GLB1L3: variants seen among roughly 807,000 people sequenced by gnomAD.
The protein encoded by GLB1L3 is galactosidase beta 1 like 3.
GLB1L3 carries 89 observed loss-of-function variants against 89.5 expected under a neutral mutation model. That is an observed-to-expected ratio of 0.99 (90% CI 0.84 to 1.19). The LOEUF (loss-of-function observed/expected upper bound fraction) is 1.19, where lower values mean the gene tolerates loss of function less well. Among genes scored for constraint, GLB1L3 ranks in the 50% most tolerant of loss-of-function variants. The probability of loss-of-function intolerance (pLI) is 0.00; values close to 1 mark genes in which losing one functional copy is unlikely to be tolerated. For missense variants in GLB1L3, 812 were observed against 813.3 expected (o/e 1.00, Z 0.02); for synonymous variants, 314 against 312.3 (o/e 1.01, Z -0.06).
intron 5 of GLB1L3, among the ~76,000 whole-genome samples, chr11:134,282,537 G>A (rs528935176): frequency 7.2e-5 from 11 of 152,238 alleles, no homozygotes; most frequent in African/African-American, 1.2e-4. Flanking sequence ...CTGACGACTC[G>A]GCTTGTTTTG....
chr11:134,314,557 T>G lies in GLB1L3; in HGVS notation c.1779+116T>G. The stretch of plus-strand genomic sequence containing the variant: ...CTTCCCTTTCTTCTTTTCCTCTTCT[T>G]CCTCATCTCCAACCAAGCCTTCCAA... On this transcript the variant is annotated intron_variant, in intron 18 of 19. Transcript: ENST00000431683. 2.8e-6 allele frequency: 2 copies of G among 713,090 alleles called. 1 individual carries two copies. The highest frequency in any genetic ancestry group is 4.6e-4 in the Middle Eastern group (2 of 4,338). 44.2% of individuals were successfully genotyped at this position (713,090 alleles called of 1,614,324 possible). A position where few individuals can be genotyped will look rare whatever the true frequency, so the allele number is the denominator to read the frequency against.
At chr11:134,312,615 T>A in intron 14 of GLB1L3, 126 bp downstream of exon 14, 1 of 1,263,316 alleles carries the variant, frequency 7.9e-7, no homozygotes, top group Non-Finnish European at 1.1e-6. Context: ...GCATTGGGAC[T>A]AAAAAGTCAG....
At chr11:134,300,277 CTCT>C (rs1423081345) in intron 9 of GLB1L3, among the ~76,000 whole-genome samples, 3 of 151,998 alleles carry the variant, frequency 2.0e-5, no homozygotes, top group African/African-American at 7.3e-5. Flanking sequence ...TCCTAATCTC[CTCT>C]TCTTATAAGG....
intron 9 of GLB1L3, among the ~76,000 whole-genome samples, chr11:134,303,444 T>G (rs1403234691): frequency 1.3e-5 from 2 of 152,184 alleles, no homozygotes; most frequent in Admixed American, 1.3e-4. Context: ...TTTTTATGGA[T>G]TCGACTATTT....
At chr11:134,310,138 T>A (rs1314972048) in intron 11 of GLB1L3, 2 of 384,124 alleles carry the variant, frequency 5.2e-6, no homozygotes, top group East Asian at 1.1e-4. Context: ...CTCTTTTGGC[T>A]TCCCTGGGCC....
At chr11:134,299,468 C>T (rs1941828306) in intron 9 of GLB1L3, among the ~76,000 whole-genome samples, 1 of 152,098 alleles carries the variant, frequency 6.6e-6, no homozygotes, top group East Asian at 1.9e-4. Flanking sequence ...TTGTGTTCCC[C>T]TCGTCTGGAG....
rs1942136113 is a variant in GLB1L3, at chr11:134,305,162, A to G, written c.877-1962A>G. The G allele has an allele frequency of 4.5e-6, 6 of 1,346,434 alleles. No individual in the cohort carries two copies. The East Asian group carries it at 1.5e-4, about 34-fold the overall frequency. The allele number at this position is 1,346,434 out of a possible 1,614,324, so 83.4% of individuals were successfully genotyped here. ...TGCTCTCAGATGCCTCACAAGCAGC[A>G]ACTTCTTCCTCCTTATAGTTCTTAT... On this transcript the variant is annotated intron_variant, in intron 9 of 19. Transcript: ENST00000431683.
intron 3 of GLB1L3, among the ~76,000 whole-genome samples, chr11:134,279,390 A>T (rs1591529788): frequency 9.6e-6 from 1 of 103,718 alleles, no homozygotes; most frequent in Non-Finnish European, 1.8e-5. Context: ...TTTTTGAGAT[A>T]GAGTCTTGCT....
intron 7 of GLB1L3, among the ~76,000 whole-genome samples, chr11:134,291,430 G>A (rs1941351866): frequency 6.6e-6 from 1 of 152,024 alleles, no homozygotes; most frequent in East Asian, 1.9e-4. Flanking sequence ...TGGCTAATTA[G>A]AGACAGGGTT....
At chr11:134,291,186 C>T (rs1015701251) in intron 7 of GLB1L3, among the ~76,000 whole-genome samples, 3 of 152,042 alleles carry the variant, frequency 2.0e-5, no homozygotes, top group African/African-American at 7.3e-5. Flanking sequence ...TCCAGGGCCC[C>T]TGTGGACACA....
intron 5 of GLB1L3, 96 bp from the exon 6 acceptor site, chr11:134,283,641 G>A: frequency 1.5e-6 from 1 of 660,144 alleles, no homozygotes; most frequent in Non-Finnish European, 2.7e-6. Context: ...TGAGGCAGCT[G>A]GGCAGATGTG....
chr11:134,309,981 G>A (rs1047098088), intron 11 of GLB1L3: 2 of 575,710 alleles, frequency 3.5e-6, no homozygotes, highest in Admixed American at 3.1e-5. Flanking sequence ...TTAGAGCTCC[G>A]CTTCACACAT....
chr11:134,317,253 G>A (rs1943025107), intron 18 of GLB1L3, among the ~76,000 whole-genome samples: 1 of 152,162 alleles, frequency 6.6e-6, no homozygotes, highest in Admixed American at 6.5e-5. Flanking sequence ...TTGAAAGACA[G>A]TTTTGCTGGA....
rs116308735 is a variant in GLB1L3, at chr11:134,284,765, A to G, written c.636+920A>G. ...CGAAACAAAAAAACAAAACTCGGGAATTCATATCCTATTCATGGACATTTG... is the reference window on the plus strand; with the variant it reads ...CGAAACAAAAAAACAAAACTCGGGAGTTCATATCCTATTCATGGACATTTG... On this transcript the variant is annotated intron_variant, in intron 6 of 19. Coordinates refer to ENST00000431683, the MANE Select transcript of GLB1L3 (RefSeq NM_001080407.3). 7.4e-3 allele frequency among the ~76,000 whole-genome samples: 1,121 copies of G among 151,970 alleles called. 22 individuals carry two copies. The highest frequency in any genetic ancestry group is 0.025 in the African/African-American group (1,051 of 41,452).
chr11:134,312,927 C>A (rs756853246), intron 15 of GLB1L3, 40 bp downstream of exon 15: 2 of 1,344,990 alleles, frequency 1.5e-6, no homozygotes, highest in Non-Finnish European at 1.1e-6. Context: ...CTCGACCCCC[C>A]TCAAATGCAG....
intron 9 of GLB1L3, among the ~76,000 whole-genome samples, chr11:134,297,326 A>G (rs74612203): frequency 0.011 from 1,658 of 152,238 alleles, 20 homozygotes; most frequent in African/African-American, 0.037. Context: ...AAAAAATTCA[A>G]TTTGACAGTT....
intron 14 of GLB1L3, 32 bp downstream of exon 14, chr11:134,312,521 A>C: frequency 6.2e-7 from 1 of 1,605,110 alleles, no homozygotes; most frequent in Non-Finnish European, 8.5e-7. Context: ...TGTGGGAAGC[A>C]AAGTGCATCA....
chr11:134,278,913 C>T (rs1210961903), intron 3 of GLB1L3, among the ~76,000 whole-genome samples: 1 of 152,194 alleles, frequency 6.6e-6, no homozygotes, highest in African/African-American at 2.4e-5. Flanking sequence ...GGCAATTTTT[C>T]TGATAGTCAA....
chr11:134,288,925 G>C, intron 7 of GLB1L3, 35 bp downstream of exon 7: 1 of 1,383,864 alleles, frequency 7.2e-7, no homozygotes, highest in East Asian at 2.3e-5. Context: ...ATGTTTACAT[G>C]CCTCCTTCCT....
Sources: gnomAD v4.1 joint callset for allele counts (sites outside exome capture counted in the v4.1 genomes callset) on GRCh38, gnomAD v4.1.1 for gene constraint, MANE v1.5 for transcripts, NCBI Gene and HGNC (gene_info 2026-07-23, HGNC 2026-07-21) for gene names.